Variants in TCERG1 observed in about 807,000 individuals in gnomAD.
TCERG1 encodes TATA box binding protein (TBP)-associated factor, RNA polymerase II, S, 150kD.
Under a neutral mutation model 144.7 loss-of-function variants are expected in TCERG1, and 37 were observed. The observed-to-expected ratio is 0.26, with a 90% CI of 0.20 to 0.34. TCERG1 has a LOEUF of 0.34. TCERG1 is among the 10% of genes least tolerant of loss of function. The pLI, the probability that TCERG1 is intolerant of heterozygous loss-of-function variation, is 1.00. For synonymous variants in TCERG1, 492 were observed against 458.2 expected, an observed-to-expected ratio of 1.07 and a Z score of -0.94; for missense variants, 1,027 against 1,380.7, an observed-to-expected ratio of 0.74 and a Z score of 4.06.
rs1481621901 is a variant in TCERG1, at chr5:146,471,346, CT to C, written c.1513-139del. On this transcript the variant is annotated intron_variant, in intron 8 of 22. Transcript: ENST00000679501. ...CTTTCTGGGGGATGAGGATTTAGAACTTTCTTCCTACTCAGAGTCTCCTCTT... is the reference window on the plus strand; with the variant it reads ...CTTTCTGGGGGATGAGGATTTAGAACTTCTTCCTACTCAGAGTCTCCTCTT... The C allele has an allele frequency of 4.5e-5, 32 of 704,682 alleles. No individual in the cohort carries two copies. In the African/African-American group the frequency reaches 5.2e-4, roughly 12 times the overall value. The allele number at this position is 704,682 out of a possible 1,614,324, so 43.7% of individuals were successfully genotyped here.
chr5:146,495,813 A>AT (rs1257096807), intron 16 of TCERG1, among the ~76,000 whole-genome samples: 12 of 152,000 alleles, frequency 7.9e-5, no homozygotes, highest in Admixed American at 4.6e-4. Flanking sequence ...GCTAATCTTT[A>AT]TTTTTTTTCT....
At position 146,503,438 on chromosome 5, in the gene TCERG1, A is replaced by G; in HGVS notation, c.2497A>G (p.Lys833Glu). 6.2e-7 allele frequency: 1 copy of G among 1,613,918 alleles called. No homozygotes were observed. Among genetic ancestry groups the G allele is most frequent in the Non-Finnish European group, 8.5e-7 (1 of 1,179,894 alleles). Residue 833 changes from lysine (K) to glutamate (E), a missense_variant, in exon 18 of 23, where the codon AAA (lysine) becomes GAA (glutamate). Physicochemically the swap from Lys to Glu is moderately conservative, Grantham distance 56 (BLOSUM62 1). Coordinates refer to ENST00000679501, the MANE Select transcript of TCERG1 (RefSeq NM_001382548.1). ...CTTGGACAGTCAGTCTCGATGGAGCAAAGTAAAAGACAAAGTAGAAAGTGA... is the reference window on the plus strand; with the variant it reads ...CTTGGACAGTCAGTCTCGATGGAGCGAAGTAAAAGACAAAGTAGAAAGTGA... ...HHLDSQSRWS[K>E]VKDKVESDPR...
chr5:146,503,347 C>T (rs1767655574), intron 17 of TCERG1, 28 bp from the exon 18 acceptor site: 3 of 1,597,780 alleles, frequency 1.9e-6, no homozygotes, highest in Non-Finnish European at 2.6e-6. Context: ...ATTTTCCCTC[C>T]CATCCCACTA....
intron 16 of TCERG1, among the ~76,000 whole-genome samples, chr5:146,495,313 A>G (rs1040842890): frequency 6.6e-6 from 1 of 152,210 alleles, no homozygotes; most frequent in Non-Finnish European, 1.5e-5. Context: ...GCACTAAGTA[A>G]GTTTTGGGTT....
At chr5:146,456,888 TA>T (rs1271238416) in intron 2 of TCERG1, among the ~76,000 whole-genome samples, 1 of 152,174 alleles carries the variant, frequency 6.6e-6, no homozygotes, top group Non-Finnish European at 1.5e-5. Flanking sequence ...ATCAATTTTT[TA>T]AAAAAAGTAA....
intron 16 of TCERG1, 136 bp downstream of exon 16, chr5:146,493,174 A>G: frequency 5.0e-6 from 3 of 605,582 alleles, no homozygotes; most frequent in Non-Finnish European, 8.4e-6. Context: ...GTTTTTGCCA[A>G]AATTTCTAAT....
At chr5:146,487,997 G>A (rs1217631633) in intron 15 of TCERG1, among the ~76,000 whole-genome samples, 2 of 152,004 alleles carry the variant, frequency 1.3e-5, no homozygotes, top group African/African-American at 4.8e-5. Context: ...CACTCACTGT[G>A]GCAAGAACAG....
At chr5:146,493,086 T>C (rs1766572640) in intron 16 of TCERG1, 48 bp downstream of exon 16, 1 of 1,284,404 alleles carries the variant, frequency 7.8e-7, no homozygotes, top group Non-Finnish European at 1.1e-6. Flanking sequence ...TATTTTCTCC[T>C]AAGATCAGTT....
intron 15 of TCERG1, among the ~76,000 whole-genome samples, chr5:146,485,147 C>T (rs936308030): frequency 2.0e-5 from 3 of 152,124 alleles, no homozygotes; most frequent in African/African-American, 7.2e-5. Flanking sequence ...GCCACACTGG[C>T]CCTGATATTA....
intron 1 of TCERG1, among the ~76,000 whole-genome samples, chr5:146,448,316 C>G (rs1762070496): frequency 6.6e-6 from 1 of 151,824 alleles, no homozygotes; most frequent in South Asian, 2.1e-4. Flanking sequence ...TTTCCTTGAA[C>G]AGTGCAGTGA....
intron 10 of TCERG1, among the ~76,000 whole-genome samples, chr5:146,478,875 A>G (rs1328771385): frequency 6.6e-6 from 1 of 152,130 alleles, no homozygotes; most frequent in Admixed American, 6.6e-5. Flanking sequence ...TCTTTAATTT[A>G]TTGTCCTACT....
chr5:146,508,232 A>C (rs569800276), intron 21 of TCERG1, among the ~76,000 whole-genome samples: 2 of 152,328 alleles, frequency 1.3e-5, no homozygotes, highest in Non-Finnish European at 2.9e-5. Flanking sequence ...TATTTTAGTC[A>C]GGTACCACTA....
chr5:146,468,266 T>A, intron 5 of TCERG1, 75 bp from the exon 6 acceptor site: 2 of 1,169,844 alleles, frequency 1.7e-6, no homozygotes. Flanking sequence ...AGTGGTAAAT[T>A]ATTTCCCTGA....
At chr5:146,455,411 A>G (rs879277075) in intron 2 of TCERG1, 130 bp downstream of exon 2, 2 of 1,009,670 alleles carry the variant, frequency 2.0e-6, no homozygotes, top group Non-Finnish European at 2.8e-6. Flanking sequence ...GAGAAGATCC[A>G]TATATTAATA....
At position 146,475,625 on chromosome 5, in the gene TCERG1, A is replaced by AT. The variant is rs996925912; in HGVS notation, c.1602-2860dup. On this transcript the variant is annotated intron_variant, in intron 9 of 22. Coordinates refer to ENST00000679501, the MANE Select transcript of TCERG1 (RefSeq NM_001382548.1). ...AACCCATTTATGCTGAAGGTTGCAA[A>AT]TTTTTTTTGTGAAAAATCAGACCTT... Among the ~76,000 whole-genome samples the AT allele has an allele frequency of 7.9e-5, 12 of 152,182 alleles. No individual in the cohort carries two copies. The South Asian group carries it at 1.2e-3, about 16-fold the overall frequency.
intron 1 of TCERG1, among the ~76,000 whole-genome samples, chr5:146,452,673 T>C (rs1234813243): frequency 6.6e-6 from 1 of 152,182 alleles, no homozygotes; most frequent in Non-Finnish European, 1.5e-5. Context: ...CACTGCAACC[T>C]CCACTTCCCA....
intron 5 of TCERG1, among the ~76,000 whole-genome samples, chr5:146,466,944 TC>T (rs1763845695): frequency 6.6e-6 from 1 of 152,356 alleles, no homozygotes. Flanking sequence ...GGTTCAGTGC[TC>T]CTGCAGATGG....
chr5:146,497,118 T>C (rs1766996375), intron 16 of TCERG1, among the ~76,000 whole-genome samples: 1 of 152,070 alleles, frequency 6.6e-6, no homozygotes. Flanking sequence ...CTGATCCACC[T>C]GCCTTGGCCT....
At chr5:146,478,760 G>A in intron 10 of TCERG1, 107 bp downstream of exon 10, 5 of 1,176,748 alleles carry the variant, frequency 4.2e-6, no homozygotes, top group Non-Finnish European at 5.7e-6. Flanking sequence ...AAGAATATAA[G>A]AAGCATTCGA....
Sources: allele counts gnomAD v4.1 joint callset (sites outside exome capture counted in the v4.1 genomes callset), GRCh38; gene constraint gnomAD v4.1.1; transcripts MANE v1.5; gene names NCBI Gene and HGNC (gene_info 2026-07-23, HGNC 2026-07-21).